PSMF1: variants seen among roughly 807,000 people sequenced by gnomAD.
The protein encoded by PSMF1 is proteasome inhibitor subunit 1.
PSMF1 carries 30 observed loss-of-function variants against 29.3 expected under a neutral mutation model. The observed-to-expected ratio is 1.02, with a 90% CI of 0.77 to 1.39. The LOEUF is 1.39. Among genes scored for constraint, PSMF1 ranks in the 40% most tolerant of loss-of-function variants. The probability of loss-of-function intolerance (pLI) is 0.00; values close to 1 mark genes in which losing one functional copy is unlikely to be tolerated. For missense variants in PSMF1, 344 were observed against 357.5 expected, an observed-to-expected ratio of 0.96 and a Z score of 0.31; for synonymous variants, 134 against 139.7, an observed-to-expected ratio of 0.96 and a Z score of 0.29.
At chr20:1,155,764 A>T (rs2086587374) in intron 4 of PSMF1, among the ~76,000 whole-genome samples, 1 of 152,346 alleles carries the variant, frequency 6.6e-6, no homozygotes, top group East Asian at 1.9e-4. Flanking sequence ...TAAAGCCTAT[A>T]CAAACAGAAC....
chr20:1,132,968 T>TG (rs1333773121), intron 3 of PSMF1, among the ~76,000 whole-genome samples: 2 of 89,538 alleles, frequency 2.2e-5, no homozygotes, highest in Non-Finnish European at 5.0e-5. Flanking sequence ...AGGGTTTTTT[T>TG]GTTTTTTTTT....
At chr20:1,122,398 C>T (rs1447262084) in intron 1 of PSMF1, among the ~76,000 whole-genome samples, 1 of 151,020 alleles carries the variant, frequency 6.6e-6, no homozygotes, top group African/African-American at 2.4e-5. Context: ...CTCCTGGGTT[C>T]AGGCAATTCT....
Position 1,118,643 on chromosome 20 carries a change from G to A in PSMF1, c.-131G>A. ...CCCGTCCCCGGGCGTCTCCATTTTG[G>A]TCTCAGGTGTGGACTCGGCAAGAAC... is the stretch of plus-strand genomic sequence containing the variant. On this transcript the variant is annotated 5_prime_UTR_variant, in exon 1 of 7. Coordinates refer to ENST00000335877, the MANE Select transcript of PSMF1 (RefSeq NM_006814.5). The A allele has an allele frequency of 8.5e-7, 1 of 1,172,238 alleles. No homozygotes were observed. 72.6% of individuals were successfully genotyped at this position (1,172,238 alleles called of 1,614,324 possible). A position where few individuals can be genotyped will look rare whatever the true frequency, so the allele number is the denominator to read the frequency against.
intron 3 of PSMF1, among the ~76,000 whole-genome samples, chr20:1,130,607 G>C (rs748023196): frequency 6.6e-6 from 1 of 152,154 alleles, no homozygotes; most frequent in Non-Finnish European, 1.5e-5. Flanking sequence ...TGGCCCCCAG[G>C]CTTACAGCTT....
intron 1 of PSMF1, among the ~76,000 whole-genome samples, chr20:1,122,877 A>T (rs927888719): frequency 6.6e-6 from 1 of 152,202 alleles, no homozygotes; most frequent in African/African-American, 2.4e-5. Context: ...CAAATTGTTT[A>T]TATTCCAAGA....
In PSMF1 at chr20:1,125,557, C is replaced by T; in HGVS notation, c.189C>T (p.Asp63=). The change falls in exon 2 of 7, where the codon GAC becomes GAT. Residue 63 remains aspartate, a synonymous_variant. Coordinates refer to ENST00000335877, the MANE Select transcript of PSMF1 (RefSeq NM_006814.5). ...CAGCTGGGTGGAACAACAATAAAGACCTGTATGTCCTCCGGTATGAGTATA... is the reference window on the plus strand; with the variant it reads ...CAGCTGGGTGGAACAACAATAAAGATCTGTATGTCCTCCGGTATGAGTATA... The part of the protein sequence containing the change: ...LLPAGWNNNK[D]LYVLRYEYKD... 6.2e-7 allele frequency: 1 copy of T among 1,613,952 alleles called. No individual in the cohort carries two copies. Among genetic ancestry groups the T allele is most frequent in the Non-Finnish European group, 8.5e-7 (1 of 1,179,940 alleles).
chr20:1,127,534 T>A, intron 3 of PSMF1, 26 bp downstream of exon 3: 1 of 1,533,428 alleles, frequency 6.5e-7, no homozygotes, highest in Non-Finnish European at 9.0e-7. Context: ...GTCTCTTCCC[T>A]GGGAAAAAGA....
intron 1 of PSMF1, among the ~76,000 whole-genome samples, chr20:1,122,756 T>TG (rs1470619671): frequency 6.6e-6 from 1 of 152,228 alleles, no homozygotes; most frequent in Non-Finnish European, 1.5e-5. Context: ...GGGTCTGTCC[T>TG]CTGTTTACTG....
rs2086731890 is a variant in PSMF1 at position 1,166,492 on chromosome 20, C to G, written c.*1412C>G. ...GCTGTTTTCTGTAGCCTCAGATTGC[C>G]TATCTGCTTAGCCTGAGAACAGGTA... On this transcript the variant is annotated 3_prime_UTR_variant, in exon 7 of 7. Transcript: ENST00000335877. 2 of 571,568 alleles carry G rather than the reference C, an allele frequency of 3.5e-6. No individual in the cohort carries two copies. Among genetic ancestry groups the G allele is most frequent in the Non-Finnish European group, 6.3e-6 (2 of 317,246 alleles). The allele number at this position is 571,568 out of a possible 1,614,324, so 35.4% of individuals were successfully genotyped here.
At chr20:1,118,445 C>G (rs116996902), upstream of PSMF1, 1,146 of 239,932 alleles carry the variant, frequency 4.8e-3, 9 homozygotes, top group Non-Finnish European at 7.1e-3. Context: ...ACGCTGTGCC[C>G]GCGTCAGGCG....
intron 4 of PSMF1, among the ~76,000 whole-genome samples, chr20:1,153,152 G>A (rs1055892833): frequency 2.6e-5 from 4 of 152,080 alleles, no homozygotes; most frequent in South Asian, 2.1e-4. Flanking sequence ...ACATCTGTAA[G>A]CTAACTGAAC....
Position 1,171,191 on chromosome 20 carries a change from A to T in PSMF1, c.*6111A>T, listed in dbSNP as rs2086786701. Among the ~76,000 whole-genome samples the T allele has an allele frequency of 6.6e-6, 1 of 152,140 alleles. No individual in the cohort carries two copies. The highest frequency in any genetic ancestry group is 1.5e-5 in the Non-Finnish European group (1 of 68,032). On this transcript the variant is annotated 3_prime_UTR_variant, in exon 7 of 7. Transcript: ENST00000335877. The stretch of plus-strand genomic sequence containing the variant: ...CAGTCCTATTTGCACAGCGTGCCTC[A>T]TGCTCCTGAGTACCTCCACCTGCAG...
At chr20:1,161,494 G>C in intron 4 of PSMF1, 1 of 515,792 alleles carries the variant, frequency 1.9e-6, no homozygotes, top group Non-Finnish European at 3.6e-6. Flanking sequence ...ATGTACCCAA[G>C]CATCTCCAAC....
At chr20:1,116,498 GGA>G (rs2086013036), upstream of PSMF1, among the ~76,000 whole-genome samples, 1 of 152,204 alleles carries the variant, frequency 6.6e-6, no homozygotes, top group Non-Finnish European at 1.5e-5. Context: ...CACAAAATTT[GGA>G]GAGGCACAGG....
chr20:1,146,794 G>A (rs188473567), intron 4 of PSMF1, among the ~76,000 whole-genome samples: 5 of 152,236 alleles, frequency 3.3e-5, no homozygotes, highest in African/African-American at 1.2e-4. Flanking sequence ...CTGCACCTTG[G>A]GAATAATTAT....
At position 1,125,628 on chromosome 20, in the gene PSMF1, G is replaced by A. The variant is rs777064593; in HGVS notation, c.260G>A (p.Ser87Asn). Residue 87 changes from serine to asparagine, a missense_variant, in exon 2 of 7, where the codon AGC becomes AAC. Physicochemically the swap from Ser to Asn is conservative, Grantham distance 46. Coordinates refer to ENST00000335877, the MANE Select transcript of PSMF1 (RefSeq NM_006814.5). ...KLLVKAITVESSMILNVLEYG... is the reference protein window; with the variant it reads ...KLLVKAITVENSMILNVLEYG... ...CTTGTGAAAGCCATCACCGTGGAGA[G>A]CAGCATGATCCTCAATGTGCTGGTG... 1 of 1,613,434 alleles carries A rather than the reference G, an allele frequency of 6.2e-7. No individual in the cohort carries two copies. The highest frequency in any genetic ancestry group is 8.5e-7 in the Non-Finnish European group (1 of 1,179,652).
chr20:1,123,418 A>G (rs2086115191), intron 1 of PSMF1, among the ~76,000 whole-genome samples: 1 of 152,210 alleles, frequency 6.6e-6, no homozygotes, highest in South Asian at 2.1e-4. Flanking sequence ...ATGGTGAGCA[A>G]TATAAATATA....
intron 4 of PSMF1, among the ~76,000 whole-genome samples, chr20:1,149,049 C>T (rs1407819892): frequency 6.6e-6 from 1 of 152,180 alleles, no homozygotes; most frequent in East Asian, 1.9e-4. Context: ...CATTCTTTTA[C>T]ATTTTGCAAA....
rs1402050655 is a variant in PSMF1, at chr20:1,161,005, T to C, written c.552-2125T>C. The C allele has an allele frequency of 1.0e-5, 4 of 394,650 alleles. No individual in the cohort carries two copies. The East Asian group carries it at 1.8e-4, about 18-fold the overall frequency. 24.4% of individuals were successfully genotyped at this position (394,650 alleles called of 1,614,324 possible). A position where few individuals can be genotyped will look rare whatever the true frequency, so the allele number is the denominator to read the frequency against. The stretch of plus-strand genomic sequence containing the variant: ...CGTGGCAGTCCAGGCCATACTTCTA[T>C]GCCTCTGGGCGCACCACTGGCATTG... On this transcript the variant is annotated intron_variant, in intron 4 of 6. Coordinates refer to ENST00000335877, the MANE Select transcript of PSMF1 (RefSeq NM_006814.5).
Sources: gnomAD v4.1 joint callset for allele counts (sites outside exome capture counted in the v4.1 genomes callset) on GRCh38, gnomAD v4.1.1 for gene constraint, MANE v1.5 for transcripts, NCBI Gene and HGNC (gene_info 2026-07-23, HGNC 2026-07-21) for gene names.